PCBP3: variants seen among roughly 807,000 people sequenced by gnomAD.
PCBP3 encodes the protein poly(rC)-binding protein 3.
Under a neutral mutation model 52.7 loss-of-function variants are expected in PCBP3, and 25 were observed. That is an observed-to-expected ratio of 0.47 (90% CI 0.35 to 0.66). The LOEUF is 0.66. PCBP3 is among the 30% of genes least tolerant of loss of function. PCBP3 has a pLI of 0.01. For synonymous variants in PCBP3, 162 were observed against 183.0 expected, an observed-to-expected ratio of 0.89 and a Z score of 0.93; for missense variants, 391 against 490.3, an observed-to-expected ratio of 0.80 and a Z score of 1.91.
intron 5 of PCBP3, among the ~76,000 whole-genome samples, chr21:45,855,242 G>A (rs1049117540): frequency 6.6e-6 from 1 of 152,168 alleles, no homozygotes; most frequent in South Asian, 2.1e-4. Context: ...GGAGCTTCCC[G>A]ACTGCAGGAG....
chr21:45,730,394 G>T (rs1695585409), intron 2 of PCBP3, among the ~76,000 whole-genome samples: 1 of 151,120 alleles, frequency 6.6e-6, no homozygotes, highest in African/African-American at 2.4e-5. Flanking sequence ...TTCCATTGTG[G>T]TCAGGAAACA....
intron 4 of PCBP3, among the ~76,000 whole-genome samples, chr21:45,780,769 T>C (rs1482366328): frequency 1.3e-5 from 2 of 152,218 alleles, no homozygotes; most frequent in East Asian, 3.8e-4. Context: ...GTGGGACATG[T>C]GCACTCAACC....
chr21:45,907,063 G>A (rs886395413), intron 9 of PCBP3, among the ~76,000 whole-genome samples: 5 of 152,254 alleles, frequency 3.3e-5, no homozygotes, highest in Non-Finnish European at 7.3e-5. Context: ...GCGGAGGCCG[G>A]CCGCCCGTTC....
intron 2 of PCBP3, among the ~76,000 whole-genome samples, chr21:45,677,658 G>T (rs2081554193): frequency 6.6e-6 from 1 of 152,210 alleles, no homozygotes. Context: ...AGCTTTAAAG[G>T]ACAGGCCGAC....
intron 4 of PCBP3, among the ~76,000 whole-genome samples, chr21:45,794,084 C>G (rs1029115734): frequency 6.6e-6 from 1 of 152,024 alleles, no homozygotes; most frequent in Non-Finnish European, 1.5e-5. Context: ...GCATATGTAT[C>G]TGTATAATGA....
At chr21:45,895,331 T>C (rs1048207447) in intron 5 of PCBP3, among the ~76,000 whole-genome samples, 1 of 152,134 alleles carries the variant, frequency 6.6e-6, no homozygotes. Context: ...TCGATTATGG[T>C]GGGGGGTGCA....
rs117264071 is a variant in PCBP3, at chr21:45,917,497, G to A, written c.676-91G>A. On this transcript the variant is annotated intron_variant, in intron 12 of 17. Coordinates refer to ENST00000681687, the MANE Select transcript of PCBP3 (RefSeq NM_001384156.1). The surrounding 1 kb of genome is among the most constrained non-coding windows in gnomAD (Gnocchi z 5.3). ...GGCACACGAGGGGGAAGCTTCTACCGGAGGGTCCTTGTCATGCTGGAGGGT... is the reference window on the plus strand; with the variant it reads ...GGCACACGAGGGGGAAGCTTCTACCAGAGGGTCCTTGTCATGCTGGAGGGT... The A allele has an allele frequency of 5.4e-5, 53 of 976,640 alleles. 1 individual carries two copies. The East Asian group carries it at 6.9e-4, about 13-fold the overall frequency. 60.5% of individuals were successfully genotyped at this position (976,640 alleles called of 1,614,324 possible).
chr21:45,934,124 C>T (rs897234833), intron 15 of PCBP3, among the ~76,000 whole-genome samples: 6 of 152,006 alleles, frequency 3.9e-5, no homozygotes, highest in African/African-American at 1.4e-4. Flanking sequence ...GAGGAGGGCT[C>T]CCCAGTCTGG....
intron 4 of PCBP3, among the ~76,000 whole-genome samples, chr21:45,780,505 C>T (rs938428638): frequency 7.9e-5 from 12 of 152,196 alleles, no homozygotes; most frequent in Non-Finnish European, 1.8e-4. Context: ...GTCCCTTTCA[C>T]GTGAAACTTG....
intron 6 of PCBP3, among the ~76,000 whole-genome samples, chr21:45,898,416 T>C (rs1603476905): frequency 1.2e-5 from 1 of 82,106 alleles, no homozygotes. Flanking sequence ...CCTCACAGCC[T>C]CCCTCTGCAC....
At chr21:45,921,800 C>G (rs1289734603) in intron 13 of PCBP3, among the ~76,000 whole-genome samples, 1 of 135,432 alleles carries the variant, frequency 7.4e-6, no homozygotes, top group Non-Finnish European at 1.5e-5. Context: ...GCCTGGGCGA[C>G]AGAACGAGAC....
At chr21:45,646,107 CTGTGTGTGTGTGTGTG>C (rs765931494) in intron 1 of PCBP3, among the ~76,000 whole-genome samples, 35 of 83,826 alleles carry the variant, frequency 4.2e-4, no homozygotes, top group African/African-American at 1.2e-3. Flanking sequence ...CTCTCTCTCT[CTGTGTGTGTGTGTGTG>C]TGTGTGTGTG....
rs1016929471 is a variant in PCBP3, at chr21:45,817,428, A to C, written c.-125-32533A>C. ...CTCATGGAGTCCTTGCGTGCACAGC[A>C]TAGTATTTGGCCAACATCTTCCTGC... On this transcript the variant is annotated intron_variant, in intron 4 of 17. Coordinates refer to ENST00000681687, the MANE Select transcript of PCBP3 (RefSeq NM_001384156.1). The surrounding 1 kb of genome is among the most constrained non-coding windows in gnomAD (Gnocchi z 4.3). 3.3e-5 allele frequency among the ~76,000 whole-genome samples: 5 copies of C among 152,290 alleles called. No individual in the cohort carries two copies. The South Asian group carries it at 8.3e-4, about 25-fold the overall frequency.
intron 4 of PCBP3, among the ~76,000 whole-genome samples, chr21:45,767,863 G>T (rs951473606): frequency 1.3e-5 from 2 of 152,258 alleles, no homozygotes; most frequent in African/African-American, 4.8e-5. Flanking sequence ...GGGGGCCTGT[G>T]CTGGTCCTGA....
chr21:45,911,398 GC>G, intron 11 of PCBP3: 1 of 244,388 alleles, frequency 4.1e-6, no homozygotes, highest in Non-Finnish European at 8.2e-6. Context: ...TTGGGGGGCA[GC>G]TGGGGGTGGG....
At chr21:45,897,028 T>C (rs533934242) in intron 6 of PCBP3, among the ~76,000 whole-genome samples, 2 of 152,316 alleles carry the variant, frequency 1.3e-5, no homozygotes, top group Non-Finnish European at 2.9e-5. Context: ...GCCCGGGCCA[T>C]TGTCTCTGTA....
chr21:45,914,226 C>T (rs577820287), intron 12 of PCBP3: 58 of 763,720 alleles, frequency 7.6e-5, no homozygotes, highest in Non-Finnish European at 1.2e-4. Context: ...CCCACAGAGA[C>T]GGCCCCACGG....
intron 11 of PCBP3, 145 bp downstream of exon 11, chr21:45,911,175 C>T (rs765245973): frequency 1.3e-5 from 12 of 932,812 alleles, no homozygotes; most frequent in South Asian, 5.5e-5. Flanking sequence ...TCAGCCTGAG[C>T]GAGAGCGGTG....
intron 4 of PCBP3, among the ~76,000 whole-genome samples, chr21:45,823,135 A>G (rs572899623): frequency 2.0e-5 from 3 of 152,342 alleles, no homozygotes; most frequent in Non-Finnish European, 4.4e-5. Flanking sequence ...GGGTGAGATT[A>G]GAATTAGACT....
Sources: allele counts gnomAD v4.1 joint callset (sites outside exome capture counted in the v4.1 genomes callset), GRCh38; gene constraint gnomAD v4.1.1; non-coding constraint Gnocchi (gnomAD v3.1); transcripts MANE v1.5; gene names NCBI Gene and HGNC (gene_info 2026-07-23, HGNC 2026-07-21).